The following EGF variants were observed in gnomAD, a reference collection of about 807,000 sequenced individuals.
EGF encodes the protein pro-epidermal growth factor.
In EGF, 95 loss-of-function variants were observed where a neutral mutation model predicts 143.8. That is an observed-to-expected ratio of 0.66 (90% CI 0.56 to 0.78). The LOEUF (loss-of-function observed/expected upper bound fraction) is 0.78, where lower values mean the gene tolerates loss of function less well. Ranked by LOEUF, EGF falls within the 30% of genes least tolerant of loss-of-function variation. EGF has a pLI of 0.00. For synonymous variants in EGF, 510 were observed against 510.5 expected (o/e 1.00, Z 0.01); for missense variants, 1,320 against 1,470.9 (o/e 0.90, Z 1.68).
intron 16 of EGF, among the ~76,000 whole-genome samples, chr4:109,984,756 T>A (rs773138499): frequency 1.3e-5 from 2 of 152,216 alleles, no homozygotes; most frequent in Non-Finnish European, 2.9e-5. Context: ...GCAGAGAGAC[T>A]GAGATCTATT....
At chr4:109,965,374 A>G (rs1475574564) in intron 10 of EGF, among the ~76,000 whole-genome samples, 1 of 152,136 alleles carries the variant, frequency 6.6e-6, no homozygotes, top group East Asian at 1.9e-4. Flanking sequence ...TTGATTCTAT[A>G]TTTAATAGGT....
At chr4:109,952,695 T>C (rs1414752101) in intron 5 of EGF, among the ~76,000 whole-genome samples, 1 of 152,190 alleles carries the variant, frequency 6.6e-6, no homozygotes, top group African/African-American at 2.4e-5. Context: ...CTTAGCATCA[T>C]TTATAGTTAT....
chr4:109,983,646 C>T, intron 16 of EGF, 105 bp downstream of exon 16: 1 of 1,496,458 alleles, frequency 6.7e-7, no homozygotes, highest in Non-Finnish European at 9.2e-7. Context: ...CTAAGTTCTA[C>T]ACAAGGCTAA....
At chr4:109,999,917 A>AG in intron 21 of EGF, 71 bp downstream of exon 21, 1 of 1,599,416 alleles carries the variant, frequency 6.3e-7, no homozygotes, top group Non-Finnish European at 8.5e-7. Context: ...TGTCTCCTTG[A>AG]GATGAGATGT....
chr4:110,008,076 A>G (rs1274470589), intron 22 of EGF, 76 bp from the exon 23 acceptor site: 1 of 1,318,660 alleles, frequency 7.6e-7, no homozygotes, highest in African/African-American at 1.4e-5. Flanking sequence ...AAAGCCATAG[A>G]CTTTGATTCA....
intron 10 of EGF, among the ~76,000 whole-genome samples, chr4:109,966,170 C>T (rs2126072372): frequency 6.6e-6 from 1 of 151,886 alleles, no homozygotes; most frequent in South Asian, 2.1e-4. Context: ...GAACATTGTT[C>T]CCATAGGTAG....
chr4:109,914,886 T>G (rs1736344894), intron 1 of EGF, among the ~76,000 whole-genome samples: 1 of 152,172 alleles, frequency 6.6e-6, no homozygotes, highest in African/African-American at 2.4e-5. Context: ...TTGGCAAATA[T>G]CTAGAGTTGG....
chr4:109,940,817 C>A, intron 1 of EGF, 129 bp from the exon 2 acceptor site: 1 of 953,332 alleles, frequency 1.0e-6, no homozygotes. Context: ...TATAAATAGA[C>A]TTTATTTTAA....
intron 20 of EGF, among the ~76,000 whole-genome samples, chr4:109,995,412 A>G (rs1381627125): frequency 6.6e-6 from 1 of 152,192 alleles, no homozygotes; most frequent in Admixed American, 6.5e-5. Context: ...TTCAGTAACA[A>G]TTGCTGATAC....
intron 1 of EGF, among the ~76,000 whole-genome samples, chr4:109,919,902 A>ACTGGAC (rs1737474897): frequency 3.3e-5 from 5 of 151,778 alleles, no homozygotes; most frequent in Admixed American, 3.3e-4. Context: ...TGGACAGGTC[A>ACTGGAC]AGTGTAAACG....
intron 5 of EGF, among the ~76,000 whole-genome samples, chr4:109,954,495 T>C (rs1338745405): frequency 6.6e-6 from 1 of 152,218 alleles, no homozygotes; most frequent in Non-Finnish European, 1.5e-5. Context: ...GGAATTCCAA[T>C]AGCACAGAAC....
intron 13 of EGF, among the ~76,000 whole-genome samples, chr4:109,976,704 T>C (rs1748555650): frequency 6.6e-6 from 1 of 152,202 alleles, no homozygotes; most frequent in African/African-American, 2.4e-5. Context: ...TTGTAGCTCA[T>C]GCCAGCTGTT....
intron 1 of EGF, among the ~76,000 whole-genome samples, chr4:109,938,402 T>C (rs1401523412): frequency 1.3e-5 from 2 of 152,252 alleles, no homozygotes. Context: ...TTGATTCTAG[T>C]TATCCATTTG....
At chr4:109,951,636 C>T (rs890611472) in intron 5 of EGF, among the ~76,000 whole-genome samples, 76 of 152,090 alleles carry the variant, frequency 5.0e-4, no homozygotes, top group African/African-American at 1.7e-3. Context: ...TTAATCTTTA[C>T]AACAGCTCTA....
intron 20 of EGF, among the ~76,000 whole-genome samples, chr4:109,998,104 T>C (rs1752067635): frequency 6.6e-6 from 1 of 152,194 alleles, no homozygotes; most frequent in Non-Finnish European, 1.5e-5. Context: ...TGCAGCTGAC[T>C]TGGATCTCCA....
intron 10 of EGF, among the ~76,000 whole-genome samples, chr4:109,965,098 G>A: frequency 6.6e-6 from 1 of 152,054 alleles, no homozygotes; most frequent in Admixed American, 6.6e-5. Flanking sequence ...GTGTAACTTA[G>A]AATTTCTGTA....
intron 20 of EGF, among the ~76,000 whole-genome samples, chr4:109,996,728 C>T (rs1303237846): frequency 3.3e-5 from 5 of 152,186 alleles, no homozygotes; most frequent in Admixed American, 3.3e-4. Context: ...CAAGAAACCA[C>T]AGGGTGCCCC....
At chr4:109,937,696 A>G (rs1198863849) in intron 1 of EGF, among the ~76,000 whole-genome samples, 1 of 152,108 alleles carries the variant, frequency 6.6e-6, no homozygotes, top group Non-Finnish European at 1.5e-5. Context: ...GAGCTCTTGT[A>G]AGGCAGGCCT....
chr4:109,991,483 G>A (rs1367161985), intron 18 of EGF, among the ~76,000 whole-genome samples: 1 of 152,118 alleles, frequency 6.6e-6, no homozygotes, highest in African/African-American at 2.4e-5. Flanking sequence ...TGTGGCACTG[G>A]TGTTTAGGCA....
Sources: allele counts gnomAD v4.1 joint callset (sites outside exome capture counted in the v4.1 genomes callset), GRCh38; gene constraint gnomAD v4.1.1; transcripts MANE v1.5; gene names NCBI Gene and HGNC (gene_info 2026-07-23, HGNC 2026-07-21).